ITPR2: variants seen among roughly 807,000 people sequenced by gnomAD.
ITPR2 encodes inositol 1,4,5-trisphosphate-gated calcium channel ITPR2.
A neutral mutation model predicts 317.1 loss-of-function variants in ITPR2; 207 were observed. That is an observed-to-expected ratio of 0.65 (90% CI 0.58 to 0.73). The LOEUF is 0.73. ITPR2 is among the 30% of genes least tolerant of loss of function. ITPR2 has a pLI of 0.00. For synonymous variants in ITPR2, 1,156 were observed against 1,149.1 expected, an observed-to-expected ratio of 1.01 and a Z score of -0.12; for missense variants, 2,613 against 3,284.0, an observed-to-expected ratio of 0.80 and a Z score of 4.99.
At chr12:26,506,520 CAAAAAAAAAAA>C (rs11362827) in intron 37 of ITPR2, among the ~76,000 whole-genome samples, 2 of 87,494 alleles carry the variant, frequency 2.3e-5, no homozygotes, top group East Asian at 3.4e-4. Flanking sequence ...AATCCTGTCT[CAAAAAAAAAAA>C]AAAAAAAAAA....
intron 55 of ITPR2, among the ~76,000 whole-genome samples, chr12:26,369,293 T>C (rs1939111678): frequency 6.6e-6 from 1 of 152,198 alleles, no homozygotes; most frequent in South Asian, 2.1e-4. Flanking sequence ...TTAGATTTTT[T>C]TCATTTTTTT....
Position 26,496,950 on chromosome 12 carries a change from A to G in ITPR2, c.5074-1690T>C, listed in dbSNP as rs531464507. ...CAGAGCGAGACTCCATCTCAAAAAA[A>G]AAAAAAAGAAGATCACACCCATTTT... On this transcript the variant is annotated intron_variant, in intron 37 of 56. Coordinates refer to ENST00000381340, the MANE Select transcript of ITPR2 (RefSeq NM_002223.4). Among the ~76,000 whole-genome samples the G allele has an allele frequency of 1.5e-4, 23 of 151,266 alleles. No homozygotes were observed. The South Asian group carries it at 4.8e-3, about 32-fold the overall frequency.
chr12:26,393,546 C>T (rs906219285), intron 54 of ITPR2, among the ~76,000 whole-genome samples: 1 of 152,090 alleles, frequency 6.6e-6, no homozygotes, highest in African/African-American at 2.4e-5. Flanking sequence ...GTACCTGAAG[C>T]CAATTATTCA....
chr12:26,521,398 C>T (rs1943661220), intron 37 of ITPR2, among the ~76,000 whole-genome samples: 1 of 152,096 alleles, frequency 6.6e-6, no homozygotes, highest in South Asian at 2.1e-4. Flanking sequence ...TGCACTATGA[C>T]AGCTGAACAA....
intron 48 of ITPR2, among the ~76,000 whole-genome samples, chr12:26,435,976 C>A (rs1370663329): frequency 1.3e-5 from 2 of 152,054 alleles, no homozygotes; most frequent in Non-Finnish European, 2.9e-5. Context: ...AATGACAAAT[C>A]TTTTCATTGC....
At chr12:26,800,049 G>A (rs967721815) in intron 1 of ITPR2, among the ~76,000 whole-genome samples, 1 of 151,960 alleles carries the variant, frequency 6.6e-6, no homozygotes, top group Admixed American at 6.6e-5. Flanking sequence ...GTGCTCTCAG[G>A]AAAAAAGGCC....
In ITPR2 at chr12:26,597,345, C is replaced by T. The variant is rs578253757; in HGVS notation, c.4003-211G>A. 1.1e-4 allele frequency among the ~76,000 whole-genome samples: 16 copies of T among 152,042 alleles called. No homozygotes were observed. In the East Asian group the frequency reaches 1.7e-3, roughly 17 times the overall value. On this transcript the variant is annotated intron_variant, in intron 30 of 56. Transcript: ENST00000381340. ...TGAACGCTATCAAAACCAGTTGAGG[C>T]GATGTGGAAGCAGCAGATAGGGCAA...
rs1399361925 is a variant in ITPR2 at position 26,335,453 on chromosome 12, GGAGA to G, written c.*3940_*3943del. ...GCAAATATAACAATCCTCTACTGCA[GGAGA>G]GAAAGTCTTCTTGGTGATATGAGAA... On this transcript the variant is annotated 3_prime_UTR_variant, in exon 57 of 57. Transcript: ENST00000381340. 1.3e-5 allele frequency among the ~76,000 whole-genome samples: 2 copies of G among 152,140 alleles called. No individual in the cohort carries two copies. The highest frequency in any genetic ancestry group is 2.9e-5 in the Non-Finnish European group (2 of 68,026).
intron 9 of ITPR2, among the ~76,000 whole-genome samples, chr12:26,700,683 C>G (rs1205457914): frequency 6.6e-6 from 1 of 152,056 alleles, no homozygotes; most frequent in East Asian, 1.9e-4. Flanking sequence ...GCCTTTAAAC[C>G]GCAGGCTAGA....
intron 45 of ITPR2, among the ~76,000 whole-genome samples, chr12:26,452,460 T>C (rs1218992484): frequency 6.6e-6 from 1 of 152,150 alleles, no homozygotes; most frequent in East Asian, 1.9e-4. Flanking sequence ...CACTCATAGC[T>C]TCTAATTTCT....
chr12:26,671,336 C>T (rs1272000719), intron 13 of ITPR2, among the ~76,000 whole-genome samples: 1 of 152,220 alleles, frequency 6.6e-6, no homozygotes, highest in Non-Finnish European at 1.5e-5. Flanking sequence ...GCCCATCAGA[C>T]TAACAGCAGA....
rs1262271192 is a variant in ITPR2, at chr12:26,772,437, TG to T, written c.163+17719del. ...ATTTATATATATTATATATAATACA[TG>T]TATTATATATATTATATATATAATA... On this transcript the variant is annotated intron_variant, in intron 2 of 56. Transcript: ENST00000381340. Among the ~76,000 whole-genome samples the T allele has an allele frequency of 1.8e-3, 204 of 115,742 alleles. 3 individuals are homozygous for T. Among genetic ancestry groups the T allele is most frequent in the Non-Finnish European group, 2.9e-3 (164 of 56,168 alleles). 75.9% of individuals were successfully genotyped at this position (115,742 alleles called of 152,430 possible).
chr12:26,625,284 T>C (rs1946596634), intron 23 of ITPR2, among the ~76,000 whole-genome samples: 2 of 152,138 alleles, frequency 1.3e-5, no homozygotes, highest in South Asian at 4.1e-4. Context: ...AGAGTGACTA[T>C]AGTCAATAAT....
chr12:26,704,753 T>A (rs987527017), intron 9 of ITPR2, among the ~76,000 whole-genome samples: 1 of 152,196 alleles, frequency 6.6e-6, no homozygotes, highest in Non-Finnish European at 1.5e-5. Context: ...ATAATATACA[T>A]TCTTAACTTT....
chr12:26,595,715 TC>T, intron 31 of ITPR2, 125 bp from the exon 32 acceptor site: 1 of 774,878 alleles, frequency 1.3e-6, no homozygotes, highest in South Asian at 2.1e-5. Context: ...GTTTTGTCTA[TC>T]CAGAAAGTAT....
chr12:26,721,587 T>C (rs1948841200), intron 5 of ITPR2, among the ~76,000 whole-genome samples: 1 of 152,182 alleles, frequency 6.6e-6, no homozygotes, highest in Non-Finnish European at 1.5e-5. Flanking sequence ...GCGCTCAGTG[T>C]CTAGCAGCAT....
At chr12:26,381,997 T>C (rs1939523230) in intron 55 of ITPR2, among the ~76,000 whole-genome samples, 1 of 152,240 alleles carries the variant, frequency 6.6e-6, no homozygotes, top group Non-Finnish European at 1.5e-5. Flanking sequence ...TTGGGTATTT[T>C]TTCTAATGAT....
chr12:26,571,918 G>A (rs1329740001), intron 34 of ITPR2, among the ~76,000 whole-genome samples: 1 of 152,176 alleles, frequency 6.6e-6, no homozygotes, highest in Non-Finnish European at 1.5e-5. Flanking sequence ...TAGATGAGTT[G>A]AGCTACTGTA....
intron 37 of ITPR2, among the ~76,000 whole-genome samples, chr12:26,524,343 C>G (rs1943750740): frequency 6.6e-6 from 1 of 152,058 alleles, no homozygotes; most frequent in African/African-American, 2.4e-5. Context: ...CATTCTAAAC[C>G]TCATATACTC....
Sources: allele counts gnomAD v4.1 joint callset (sites outside exome capture counted in the v4.1 genomes callset), GRCh38; gene constraint gnomAD v4.1.1; transcripts MANE v1.5; gene names NCBI Gene and HGNC (gene_info 2026-07-23, HGNC 2026-07-21).